The following SAXO4 variants were observed in gnomAD, a reference collection of about 807,000 sequenced individuals.
SAXO4 encodes stabilizer of axonemal microtubules 4, also known as protein phosphatase 1 regulatory subunit 32.
chr11:61,488,140 C>T, the SAXO4 span, among the ~76,000 whole-genome samples: 1,980 of 151,978 alleles, frequency 0.013, 53 homozygotes, highest in African/African-American at 0.045. Flanking sequence ...GCATGTGCCA[C>T]CATGCCCAGC....
At chr11:61,483,413 G>T in the SAXO4 span, among the ~76,000 whole-genome samples, 7 of 151,676 alleles carry the variant, frequency 4.6e-5, no homozygotes, top group Non-Finnish European at 8.8e-5. Flanking sequence ...TGATCTGCCC[G>T]CCTCAGCCTC....
At chr11:61,486,315 G>T in the SAXO4 span, 1 of 1,612,076 alleles carries the variant, frequency 6.2e-7, no homozygotes, top group South Asian at 1.1e-5. Context: ...CCTCTGCGGG[G>T]CTGACATCCT....
the SAXO4 span, among the ~76,000 whole-genome samples, chr11:61,484,535 GC>G: frequency 4.7e-5 from 7 of 150,456 alleles, no homozygotes; most frequent in African/African-American, 1.8e-4. Flanking sequence ...AGGCTGCAGG[GC>G]TCTAAGCAGA....
At chr11:61,482,617 G>A in the SAXO4 span, 1 of 1,613,520 alleles carries the variant, frequency 6.2e-7, no homozygotes, top group Non-Finnish European at 8.5e-7. Flanking sequence ...GAGGACAGAG[G>A]CAGGCGGCCT....
the SAXO4 span, chr11:61,484,693 G>A: frequency 6.2e-7 from 1 of 1,613,658 alleles, no homozygotes; most frequent in African/African-American, 1.3e-5. Context: ...CCCAGGTCCG[G>A]AAGGTCCATT....
At chr11:61,482,774 G>T in the SAXO4 span, 1 of 1,612,844 alleles carries the variant, frequency 6.2e-7, no homozygotes, top group African/African-American at 1.3e-5. Context: ...GGCTATGGGC[G>T]GGAGAAGCCC....
the SAXO4 span, chr11:61,484,933 G>A: frequency 1.5e-6 from 2 of 1,291,868 alleles, no homozygotes; most frequent in Non-Finnish European, 2.1e-6. Context: ...CTCAGGGTGG[G>A]CTCAGGGCGC....
At chr11:61,483,458 G>A in the SAXO4 span, among the ~76,000 whole-genome samples, 6 of 151,778 alleles carry the variant, frequency 4.0e-5, no homozygotes, top group South Asian at 1.0e-3. Context: ...GAGCCACTGC[G>A]CCCAGCCCCA....
the SAXO4 span, chr11:61,487,007 T>G: frequency 6.2e-7 from 1 of 1,614,092 alleles, no homozygotes; most frequent in South Asian, 1.1e-5. Context: ...AGCCACTTCA[T>G]CGGATGCAAC....
chr11:61,481,699 G>A, the SAXO4 span: 1 of 562,698 alleles, frequency 1.8e-6, no homozygotes, highest in East Asian at 3.4e-5. Context: ...GCTGCGTTGT[G>A]GGTGGTGGGG....
chr11:61,486,886 C>G, the SAXO4 span: 3 of 1,389,900 alleles, frequency 2.2e-6, no homozygotes, highest in Non-Finnish European at 3.1e-6. Flanking sequence ...GCTCCCCTCT[C>G]CATCCCTGCT....
chr11:61,487,363 A>G, the SAXO4 span: 1 of 833,600 alleles, frequency 1.2e-6, no homozygotes, highest in South Asian at 1.5e-5. Context: ...GTTCCCCAGA[A>G]GCATACCCTA....
At chr11:61,490,896 C>T in the SAXO4 span, 1 of 402,024 alleles carries the variant, frequency 2.5e-6, no homozygotes, top group Non-Finnish European at 4.6e-6. Flanking sequence ...TGCCCAGCTA[C>T]TTTCCTAATG....
At chr11:61,487,126 T>C in the SAXO4 span, 3 of 1,612,666 alleles carry the variant, frequency 1.9e-6, no homozygotes, top group South Asian at 3.3e-5. Flanking sequence ...ACAATTCCCC[T>C]GTCTACCCCT....
chr11:61,486,872 G>C, the SAXO4 span: 1 of 1,248,512 alleles, frequency 8.0e-7, no homozygotes, highest in East Asian at 2.3e-5. Context: ...GTGTGCCTCT[G>C]CCTGCTCCCC....
chr11:61,490,654 C>G, the SAXO4 span: 1 of 1,381,924 alleles, frequency 7.2e-7, no homozygotes, highest in African/African-American at 1.4e-5. Context: ...CCAGCCCTGC[C>G]TCTCAAGCCC....
chr11:61,481,621 C>T, the SAXO4 span, among the ~76,000 whole-genome samples: 304 of 152,260 alleles, frequency 2.0e-3, 2 homozygotes, highest in African/African-American at 7.1e-3. Context: ...TGTGGATGAT[C>T]GGTTTCGTCC....
the SAXO4 span, chr11:61,484,886 C>T: frequency 6.7e-7 from 1 of 1,502,978 alleles, no homozygotes; most frequent in Non-Finnish European, 8.9e-7. Context: ...CCTCCCACCT[C>T]AAGACAAGTA....
chr11:61,487,364 G>A, the SAXO4 span: 103 of 833,228 alleles, frequency 1.2e-4, no homozygotes, highest in Admixed American at 4.1e-4. Context: ...TTCCCCAGAA[G>A]CATACCCTAA....
Sources: allele counts gnomAD v4.1 joint callset (sites outside exome capture counted in the v4.1 genomes callset), GRCh38; gene constraint gnomAD v4.1.1; transcripts MANE v1.5; gene names NCBI Gene and HGNC (gene_info 2026-07-23, HGNC 2026-07-21).